Variants in CARMIL1 observed in about 807,000 individuals in gnomAD.
The protein encoded by CARMIL1 is F-actin-uncapping protein LRRC16A.
A neutral mutation model predicts 177.1 loss-of-function variants in CARMIL1; 90 were observed. The ratio of observed to expected loss-of-function variants is 0.51; its 90% CI spans 0.43 to 0.61. The LOEUF (loss-of-function observed/expected upper bound fraction) is 0.61. Among genes scored for constraint, CARMIL1 ranks in the 20% least tolerant of loss-of-function variants. CARMIL1 has a pLI of 0.00. For synonymous variants in CARMIL1, 577 were observed against 606.2 expected (o/e 0.95, Z 0.71); for missense variants, 1,380 against 1,667.0 (o/e 0.83, Z 3.00).
intron 5 of CARMIL1, among the ~76,000 whole-genome samples, chr6:25,449,202 A>G (rs1157341492): frequency 6.6e-6 from 1 of 152,142 alleles, no homozygotes; most frequent in East Asian, 1.9e-4. Context: ...TAATAACTTG[A>G]TAGGTACTAT....
At chr6:25,619,334 C>G (rs1759545460) in intron 36 of CARMIL1, 113 bp from the exon 37 acceptor site, 2 of 1,033,570 alleles carry the variant, frequency 1.9e-6, no homozygotes, top group Admixed American at 5.7e-5. Context: ...AAAGTTCACC[C>G]TGGCCCCCTC....
At chr6:25,525,843 A>T (rs1389397571) in intron 23 of CARMIL1, among the ~76,000 whole-genome samples, 1 of 152,262 alleles carries the variant, frequency 6.6e-6, no homozygotes, top group African/African-American at 2.4e-5. Flanking sequence ...AAAGAAGAGA[A>T]ATGTAACCAT....
chr6:25,569,118 T>C (rs954398324), intron 29 of CARMIL1, among the ~76,000 whole-genome samples: 2 of 152,208 alleles, frequency 1.3e-5, no homozygotes, highest in Non-Finnish European at 2.9e-5. Flanking sequence ...GATGTTCTCA[T>C]AGGTAGAATA....
At chr6:25,459,260 T>TTCTTTCTTTCTTTCTTTC (rs1799862703) in intron 8 of CARMIL1, among the ~76,000 whole-genome samples, 1 of 125,220 alleles carries the variant, frequency 8.0e-6, no homozygotes, top group African/African-American at 2.9e-5. Context: ...CTTTCTTTCT[T>TTCTTTCTTTCTTTCTTTC]TCTTTCTTTT....
intron 1 of CARMIL1, among the ~76,000 whole-genome samples, chr6:25,284,191 C>T (rs117296511): frequency 5.9e-5 from 9 of 152,292 alleles, no homozygotes; most frequent in East Asian, 1.9e-4. Context: ...CTGCATGCAA[C>T]GTAGTGTTTC....
chr6:25,420,401 T>G (rs1414422563), intron 3 of CARMIL1: 1 of 490,716 alleles, frequency 2.0e-6, no homozygotes, highest in African/African-American at 2.0e-5. Flanking sequence ...GAGAAACATA[T>G]TTTTTACTCC....
At chr6:25,390,314 A>G (rs1320006406) in intron 2 of CARMIL1, among the ~76,000 whole-genome samples, 3 of 39,510 alleles carry the variant, frequency 7.6e-5, no homozygotes, top group Non-Finnish European at 1.5e-4. Flanking sequence ...ATATATATAT[A>G]TATATATTTT....
At chr6:25,529,263 T>C (rs1165515066) in intron 24 of CARMIL1, among the ~76,000 whole-genome samples, 1 of 152,102 alleles carries the variant, frequency 6.6e-6, no homozygotes, top group African/African-American at 2.4e-5. Context: ...GATTCCCAGA[T>C]TTTATGTTCA....
At chr6:25,426,072 A>G (rs1796253877) in intron 3 of CARMIL1, among the ~76,000 whole-genome samples, 2 of 152,176 alleles carry the variant, frequency 1.3e-5, no homozygotes, top group South Asian at 2.1e-4. Context: ...AAGTGTTTAG[A>G]TGGTTCCTTC....
intron 2 of CARMIL1, among the ~76,000 whole-genome samples, chr6:25,354,487 C>T (rs1309933955): frequency 6.6e-6 from 1 of 151,710 alleles, no homozygotes; most frequent in East Asian, 1.9e-4. Context: ...CCTGCTGTGG[C>T]TTTCTAGGAA....
intron 2 of CARMIL1, among the ~76,000 whole-genome samples, chr6:25,407,642 C>A (rs575156830): frequency 9.2e-5 from 14 of 152,198 alleles, no homozygotes; most frequent in South Asian, 2.1e-4. Flanking sequence ...ATGGAATAGG[C>A]GGCTAGGTAA....
chr6:25,376,184 G>T (rs550985589), intron 2 of CARMIL1, among the ~76,000 whole-genome samples: 3 of 152,172 alleles, frequency 2.0e-5, no homozygotes, highest in Admixed American at 6.5e-5. Flanking sequence ...GGGTTCAAGG[G>T]ATTCTGCTGC....
rs553280670 is a variant in CARMIL1 at position 25,318,416 on chromosome 6, A to T, written c.138+33507A>T. Among the ~76,000 whole-genome samples, 11 of 152,288 alleles carry T rather than the reference A, an allele frequency of 7.2e-5. No homozygotes were observed. In the East Asian group the frequency reaches 1.2e-3, roughly 16 times the overall value. ...CAGGCCTTGATGTTGCTTTGAAAAC[A>T]GTCCTCTCCAGTTTTTGATATTTTT... On this transcript the variant is annotated intron_variant, in intron 2 of 36. Transcript: ENST00000329474.
chr6:25,500,239 A>G lies in CARMIL1; in HGVS notation c.1395+4A>G. Reference sequence around the variant, plus strand: ...TCTGGATCTCAGCAACTGTGAGGTAAGAACACCCTTAGATTGTATACTGGA... The same window carrying G: ...TCTGGATCTCAGCAACTGTGAGGTAGGAACACCCTTAGATTGTATACTGGA... On this transcript the variant is annotated splice_donor_region_variant and intron_variant, in intron 17 of 36. Coordinates refer to ENST00000329474, the MANE Select transcript of CARMIL1 (RefSeq NM_017640.6). The G allele has an allele frequency of 1.2e-6, 2 of 1,613,138 alleles. No homozygotes were observed. The highest frequency in any genetic ancestry group is 1.7e-6 in the Non-Finnish European group (2 of 1,179,158).
rs185429227 is a variant in CARMIL1, at chr6:25,552,186, A to G, written c.2504+1101A>G. ...ACCCCATAGATTAGTGACTTTATAAACTCTAGCCCTTCACTAGGTGTGCTT... is the reference window on the plus strand; with the variant it reads ...ACCCCATAGATTAGTGACTTTATAAGCTCTAGCCCTTCACTAGGTGTGCTT... On this transcript the variant is annotated intron_variant, in intron 27 of 36. Transcript: ENST00000329474. 2.0e-3 allele frequency among the ~76,000 whole-genome samples: 297 copies of G among 151,972 alleles called. 2 individuals are homozygous for G. The highest frequency in any genetic ancestry group is 6.2e-3 in the African/African-American group (258 of 41,436).
At chr6:25,612,918 C>G in intron 36 of CARMIL1, 1 of 985,072 alleles carries the variant, frequency 1.0e-6, no homozygotes, top group Non-Finnish European at 1.2e-6. Context: ...CCCTCACTGA[C>G]CCGAAGCTTA....
At chr6:25,329,253 A>G (rs1394086237) in intron 2 of CARMIL1, among the ~76,000 whole-genome samples, 2 of 152,162 alleles carry the variant, frequency 1.3e-5, no homozygotes, top group African/African-American at 2.4e-5. Flanking sequence ...TGGGAACACT[A>G]GGTCTATGTT....
At chr6:25,420,661 G>T (rs979545808) in intron 3 of CARMIL1, among the ~76,000 whole-genome samples, 1 of 152,156 alleles carries the variant, frequency 6.6e-6, no homozygotes, top group Admixed American at 6.5e-5. Flanking sequence ...AACCATCTCA[G>T]CTGTTCTCCG....
Position 25,619,734 on chromosome 6 carries a change from T to C in CARMIL1, c.*151T>C, listed in dbSNP as rs1429779360. 26 of 9,364 alleles carry C rather than the reference T, an allele frequency of 2.8e-3. No homozygotes were observed. The highest frequency in any genetic ancestry group is 0.01 in the East Asian group (4 of 384). The allele number at this position is 9,364 out of a possible 1,614,324, so 0.6% of individuals were successfully genotyped here. A position where few individuals can be genotyped will look rare whatever the true frequency, so the allele number is the denominator to read the frequency against. The stretch of plus-strand genomic sequence containing the variant: ...TTCGCCCCCACCCCCATCCCCTGCC[T>C]TTTTTTTTTTTTTTTTTTTTTTTTT... On this transcript the variant is annotated 3_prime_UTR_variant, in exon 37 of 37. Transcript: ENST00000329474.
Sources: allele counts gnomAD v4.1 joint callset (sites outside exome capture counted in the v4.1 genomes callset), GRCh38; gene constraint gnomAD v4.1.1; transcripts MANE v1.5; gene names NCBI Gene and HGNC (gene_info 2026-07-23, HGNC 2026-07-21).